Variants in SCD5 observed in about 807,000 individuals in gnomAD.
SCD5 encodes acyl-CoA-desaturase 4.
In SCD5, 20 loss-of-function variants were observed where a neutral mutation model predicts 30.4. The observed-to-expected ratio is 0.66, with a 90% CI of 0.46 to 0.96. The LOEUF (loss-of-function observed/expected upper bound fraction) is 0.96. Ranked by LOEUF, SCD5 falls within the 40% of genes least tolerant of loss-of-function variation. SCD5 has a pLI of 0.00. For synonymous variants in SCD5, 173 were observed against 176.4 expected, an observed-to-expected ratio of 0.98 and a Z score of 0.16; for missense variants, 381 against 443.3, an observed-to-expected ratio of 0.86 and a Z score of 1.26.
At chr4:82,713,459 T>C (rs966415692) in intron 1 of SCD5, among the ~76,000 whole-genome samples, 2 of 152,220 alleles carry the variant, frequency 1.3e-5, no homozygotes, top group Non-Finnish European at 2.9e-5. Flanking sequence ...TTTGGATCGT[T>C]CCAGGACTTC....
rs913510226 is a variant in SCD5, at chr4:82,629,558, T to G, written c.*1769A>C. 1.3e-5 allele frequency: 2 copies of G among 152,266 alleles called. No homozygotes were observed. The highest frequency in any genetic ancestry group is 4.8e-5 in the African/African-American group (2 of 41,476). 9.4% of individuals were successfully genotyped at this position (152,266 alleles called of 1,614,324 possible). A position where few individuals can be genotyped will look rare whatever the true frequency, so the allele number is the denominator to read the frequency against. On this transcript the variant is annotated 3_prime_UTR_variant, in exon 5 of 5. Coordinates refer to ENST00000319540, the MANE Select transcript of SCD5 (RefSeq NM_001037582.3). ...CACCAATGAATTCATAATCATTTAT[T>G]GTAAATCACTCACAGTTTACACATT...
At chr4:82,657,927 ATTT>A (rs1210443371) in intron 3 of SCD5, among the ~76,000 whole-genome samples, 1 of 152,114 alleles carries the variant, frequency 6.6e-6, no homozygotes, top group Non-Finnish European at 1.5e-5. Context: ...AATGCTTGTG[ATTT>A]TTGCACATTG....
intron 2 of SCD5, among the ~76,000 whole-genome samples, chr4:82,685,147 T>C (rs1056687758): frequency 1.3e-5 from 2 of 152,140 alleles, no homozygotes; most frequent in Non-Finnish European, 2.9e-5. Context: ...AAAATTGGAA[T>C]ACTGAAGGGA....
At chr4:82,759,997 A>C (rs983859269) in intron 1 of SCD5, among the ~76,000 whole-genome samples, 10 of 151,902 alleles carry the variant, frequency 6.6e-5, no homozygotes, top group Non-Finnish European at 1.0e-4. Flanking sequence ...GTGCCCATCC[A>C]TTCTACCCAT....
At chr4:82,663,095 T>C (rs960682930) in intron 3 of SCD5, among the ~76,000 whole-genome samples, 5 of 152,128 alleles carry the variant, frequency 3.3e-5, no homozygotes. Flanking sequence ...AGCTAACTAA[T>C]ATACACAACC....
At chr4:82,777,734 A>C (rs908150924) in intron 1 of SCD5, among the ~76,000 whole-genome samples, 2 of 152,098 alleles carry the variant, frequency 1.3e-5, no homozygotes, top group Non-Finnish European at 2.9e-5. Flanking sequence ...CCCATTCCCA[A>C]CCATGGGGCT....
chr4:82,676,425 T>C (rs1384736744), intron 3 of SCD5, among the ~76,000 whole-genome samples: 4 of 152,208 alleles, frequency 2.6e-5, no homozygotes, highest in Admixed American at 2.6e-4. Flanking sequence ...TGGAAGTCCC[T>C]AGCCTGTGGT....
chr4:82,691,014 G>GTTCGT (rs1728822010), intron 2 of SCD5, among the ~76,000 whole-genome samples: 1 of 138,142 alleles, frequency 7.2e-6, no homozygotes, highest in African/African-American at 2.6e-5. Flanking sequence ...TTGTTTTTTT[G>GTTCGT]TTTGTTTGTT....
chr4:82,655,962 C>G (rs1727859603), intron 3 of SCD5, among the ~76,000 whole-genome samples: 1 of 152,102 alleles, frequency 6.6e-6, no homozygotes, highest in South Asian at 2.1e-4. Flanking sequence ...ATCAGCAGAA[C>G]ATCAGCTGGT....
chr4:82,738,231 T>C (rs956037430), intron 1 of SCD5, among the ~76,000 whole-genome samples: 1 of 152,192 alleles, frequency 6.6e-6, no homozygotes, highest in Non-Finnish European at 1.5e-5. Context: ...CTGACCATCC[T>C]GGCCAACATG....
chr4:82,777,191 A>G (rs1234826843), intron 1 of SCD5, among the ~76,000 whole-genome samples: 2 of 152,242 alleles, frequency 1.3e-5, no homozygotes, highest in African/African-American at 4.8e-5. Context: ...TCTCCATTGT[A>G]CAGATGAAGA....
At chr4:82,654,223 G>A (rs1727822451) in intron 3 of SCD5, among the ~76,000 whole-genome samples, 1 of 152,152 alleles carries the variant, frequency 6.6e-6, no homozygotes, top group South Asian at 2.1e-4. Flanking sequence ...TCAGCACTAG[G>A]ATCTTTTTAT....
intron 1 of SCD5, among the ~76,000 whole-genome samples, chr4:82,793,316 G>A (rs566675962): frequency 6.6e-6 from 1 of 152,242 alleles, no homozygotes; most frequent in East Asian, 1.9e-4. Context: ...AAATCCCAAA[G>A]AAAACGCTCA....
chr4:82,710,866 G>A (rs1475953606), intron 1 of SCD5, among the ~76,000 whole-genome samples: 1 of 142,318 alleles, frequency 7.0e-6, no homozygotes, highest in Non-Finnish European at 1.5e-5. Flanking sequence ...ATGAGAGAGA[G>A]AGAAAACAAG....
At chr4:82,693,294 G>A (rs190910311) in intron 2 of SCD5, among the ~76,000 whole-genome samples, 3 of 152,228 alleles carry the variant, frequency 2.0e-5, no homozygotes, top group African/African-American at 7.2e-5. Context: ...CCTCTTCCTG[G>A]AAGATGCTGG....
chr4:82,795,499 A>G (rs1448679476), intron 1 of SCD5, among the ~76,000 whole-genome samples: 1 of 152,134 alleles, frequency 6.6e-6, no homozygotes, highest in East Asian at 1.9e-4. Flanking sequence ...AGCTGATCTT[A>G]GCTGGTCTCT....
intron 2 of SCD5, among the ~76,000 whole-genome samples, chr4:82,685,460 C>T (rs1223859201): frequency 6.6e-6 from 1 of 152,040 alleles, no homozygotes; most frequent in Non-Finnish European, 1.5e-5. Context: ...TGCCTGTAAT[C>T]CCAGCACTTT....
At chr4:82,765,799 T>C (rs1721472934) in intron 1 of SCD5, among the ~76,000 whole-genome samples, 1 of 152,088 alleles carries the variant, frequency 6.6e-6, no homozygotes, top group Non-Finnish European at 1.5e-5. Context: ...TTTGTATTTT[T>C]AGTAGAGGCG....
rs928635762 is a variant in SCD5, at chr4:82,631,490, G to A, written c.830C>T (p.Thr277Ile). Residue 277 changes from threonine (T) to isoleucine (I), a missense_variant, in exon 5 of 5, where the codon ACC becomes ATC. Coordinates refer to ENST00000319540, the MANE Select transcript of SCD5 (RefSeq NM_001037582.3). ...IGEGFHNYHH[T>I]FPFDYSASEF... ...ACTCGCAGAGTAGTCAAAGGGAAAG[G>A]TGTGATGGTAATTATGGAAGCCTTC... 1 of 1,614,186 alleles carries A rather than the reference G, an allele frequency of 6.2e-7. No homozygotes were observed. Among genetic ancestry groups the A allele is most frequent in the Non-Finnish European group, 8.5e-7 (1 of 1,180,018 alleles).
Sources: gnomAD v4.1 joint callset for allele counts (sites outside exome capture counted in the v4.1 genomes callset) on GRCh38, gnomAD v4.1.1 for gene constraint, MANE v1.5 for transcripts, NCBI Gene and HGNC (gene_info 2026-07-23, HGNC 2026-07-21) for gene names.